RIMS1: variants seen among roughly 807,000 people sequenced by gnomAD.
RIMS1 encodes regulating synaptic membrane exocytosis protein 1.
RIMS1 carries 83 observed loss-of-function variants against 214.1 expected under a neutral mutation model. That is an observed-to-expected ratio of 0.39 (90% CI 0.32 to 0.47). The LOEUF (loss-of-function observed/expected upper bound fraction) is 0.47. RIMS1 is among the 20% of genes least tolerant of loss of function. The probability of loss-of-function intolerance (pLI) is 0.99; values close to 1 mark genes in which losing one functional copy is unlikely to be tolerated. For missense variants in RIMS1, 2,050 were observed against 2,161.8 expected, an observed-to-expected ratio of 0.95 and a Z score of 1.03; for synonymous variants, 793 against 786.8, an observed-to-expected ratio of 1.01 and a Z score of -0.13.
chr6:72,223,675 C>T (rs944091319), intron 6 of RIMS1, among the ~76,000 whole-genome samples: 3 of 151,964 alleles, frequency 2.0e-5, no homozygotes, highest in South Asian at 2.1e-4. Flanking sequence ...AGGCCAGGTG[C>T]GGTGGCTCAC....
intron 28 of RIMS1, among the ~76,000 whole-genome samples, chr6:72,320,295 G>A (rs1254410446): frequency 6.6e-6 from 1 of 152,106 alleles, no homozygotes; most frequent in Non-Finnish European, 1.5e-5. Flanking sequence ...AAACGGGGAG[G>A]AGAATTCCTA....
intron 22 of RIMS1, among the ~76,000 whole-genome samples, chr6:72,267,957 C>A (rs1023055554): frequency 5.6e-4 from 85 of 152,014 alleles, no homozygotes; most frequent in African/African-American, 2.0e-3. Flanking sequence ...TTTAAAAACT[C>A]AATGAAACAA....
intron 29 of RIMS1, among the ~76,000 whole-genome samples, chr6:72,389,256 A>G (rs978643495): frequency 2.6e-5 from 4 of 152,172 alleles, no homozygotes; most frequent in African/African-American, 9.7e-5. Context: ...ATTACTAACC[A>G]TTGTCTTCCT....
At chr6:72,098,970 A>G (rs1423036678) in intron 3 of RIMS1, among the ~76,000 whole-genome samples, 1 of 152,222 alleles carries the variant, frequency 6.6e-6, no homozygotes, top group East Asian at 1.9e-4. Flanking sequence ...TCTTTAATAC[A>G]CTATTTTGGA....
intron 4 of RIMS1, among the ~76,000 whole-genome samples, chr6:72,116,328 T>C (rs913330882): frequency 2.6e-5 from 4 of 151,944 alleles, no homozygotes; most frequent in African/African-American, 9.7e-5. Context: ...GGAAGGGATG[T>C]TGTCACATCA....
At chr6:72,377,958 G>C (rs1369772932) in intron 29 of RIMS1, among the ~76,000 whole-genome samples, 1 of 152,154 alleles carries the variant, frequency 6.6e-6, no homozygotes, top group Admixed American at 6.5e-5. Flanking sequence ...CCTTACAAAA[G>C]TATACTTACA....
intron 28 of RIMS1, among the ~76,000 whole-genome samples, chr6:72,318,266 T>G (rs1026612177): frequency 9.2e-5 from 14 of 152,196 alleles, no homozygotes; most frequent in African/African-American, 3.4e-4. Flanking sequence ...TTAATTTTTC[T>G]TATTCTATTT....
chr6:72,065,488 T>A (rs957535650), intron 2 of RIMS1, among the ~76,000 whole-genome samples: 1 of 152,194 alleles, frequency 6.6e-6, no homozygotes, highest in East Asian at 1.9e-4. Context: ...ATAATTTTTA[T>A]CTTTTTGTTA....
At chr6:72,305,618 T>C (rs536700408) in intron 26 of RIMS1, among the ~76,000 whole-genome samples, 8 of 152,262 alleles carry the variant, frequency 5.3e-5, no homozygotes, top group Non-Finnish European at 7.4e-5. Context: ...CTCACATTTT[T>C]CAATAACTGT....
rs148363547 is a variant in RIMS1 at position 72,185,569 on chromosome 6, A to G, written c.1678+2420A>G. Among the ~76,000 whole-genome samples the G allele has an allele frequency of 7.7e-3, 1,171 of 152,302 alleles. 20 individuals carry two copies. Among genetic ancestry groups the G allele is most frequent in the African/African-American group, 0.027 (1,111 of 41,570 alleles). On this transcript the variant is annotated intron_variant, in intron 6 of 33. Coordinates refer to ENST00000521978, the MANE Select transcript of RIMS1 (RefSeq NM_014989.7). ...GACACTGAGGAAGAAGAGGTAAAAG[A>G]AGCAGTGCCAGAAAACAGATTGACA...
chr6:72,084,340 T>C (rs1385655861), intron 2 of RIMS1, among the ~76,000 whole-genome samples: 1 of 152,236 alleles, frequency 6.6e-6, no homozygotes. Context: ...TCCTAATTCA[T>C]ATCCTACTTT....
chr6:71,979,001 T>G (rs2151457454), intron 2 of RIMS1, among the ~76,000 whole-genome samples: 1 of 152,244 alleles, frequency 6.6e-6, no homozygotes, highest in South Asian at 2.1e-4. Context: ...TTCATTCTTT[T>G]TATATGATTT....
intron 2 of RIMS1, among the ~76,000 whole-genome samples, chr6:72,035,158 G>A (rs1383595832): frequency 6.6e-6 from 1 of 152,034 alleles, no homozygotes; most frequent in East Asian, 1.9e-4. Context: ...TACATCAAAG[G>A]CTGTAGTAAG....
intron 2 of RIMS1, among the ~76,000 whole-genome samples, chr6:72,023,894 G>T (rs554429102): frequency 1.3e-5 from 2 of 152,066 alleles, no homozygotes; most frequent in South Asian, 4.2e-4. Flanking sequence ...CAAGTGTTTT[G>T]CACATAATAT....
chr6:72,121,548 A>T (rs545477156), intron 4 of RIMS1, among the ~76,000 whole-genome samples: 2 of 151,962 alleles, frequency 1.3e-5, no homozygotes, highest in East Asian at 3.9e-4. Context: ...TAAGGAGATT[A>T]GGGGCTGTGA....
intron 4 of RIMS1, among the ~76,000 whole-genome samples, chr6:72,102,988 T>C (rs1024373864): frequency 6.6e-6 from 1 of 152,144 alleles, no homozygotes; most frequent in Non-Finnish European, 1.5e-5. Context: ...GACCCACTTT[T>C]ATGTTTTCTT....
At chr6:72,227,269 A>C (rs2060472530) in intron 6 of RIMS1, among the ~76,000 whole-genome samples, 1 of 151,994 alleles carries the variant, frequency 6.6e-6, no homozygotes, top group Non-Finnish European at 1.5e-5. Flanking sequence ...GTGCTATTAG[A>C]ATTGACAGAA....
chr6:72,077,370 G>C (rs753076493), intron 2 of RIMS1, among the ~76,000 whole-genome samples: 7 of 152,146 alleles, frequency 4.6e-5, no homozygotes, highest in Non-Finnish European at 1.0e-4. Flanking sequence ...ACTTAGTTTT[G>C]TTCATGTTTA....
rs147745830 is a variant in RIMS1 at position 71,900,366 on chromosome 6, A to T, written c.164+13179A>T. Among the ~76,000 whole-genome samples, 743 of 152,262 alleles carry T rather than the reference A, an allele frequency of 4.9e-3. 1 individual carries two copies. Among genetic ancestry groups the T allele is most frequent in the Non-Finnish European group, 7.2e-3 (491 of 67,988 alleles). ...TAGACATGGTAGGGCCCACCAGGTC[A>T]TGTTTTAGAGTTTTTTCTTTATTTT... is the stretch of plus-strand genomic sequence containing the variant. On this transcript the variant is annotated intron_variant, in intron 1 of 33. Transcript: ENST00000521978.
Sources: allele counts gnomAD v4.1 joint callset (sites outside exome capture counted in the v4.1 genomes callset), GRCh38; gene constraint gnomAD v4.1.1; transcripts MANE v1.5; gene names NCBI Gene and HGNC (gene_info 2026-07-23, HGNC 2026-07-21).